The following DLGAP2 variants were observed in gnomAD, a reference collection of about 807,000 sequenced individuals.
DLGAP2 encodes the protein disks large-associated protein 2.
Under a neutral mutation model 100.3 loss-of-function variants are expected in DLGAP2, and 26 were observed. The ratio of observed to expected loss-of-function variants is 0.26; its 90% confidence interval spans 0.19 to 0.36. The LOEUF (loss-of-function observed/expected upper bound fraction) is 0.36, where lower values mean the gene tolerates loss of function less well. DLGAP2 is among the 10% of genes least tolerant of loss of function. The probability of loss-of-function intolerance (pLI) is 1.00; values close to 1 mark genes in which losing one functional copy is unlikely to be tolerated. For synonymous variants in DLGAP2, 886 were observed against 630.1 expected (o/e 1.41, Z -6.08); for missense variants, 1,858 against 1,453.2 (o/e 1.28, Z -4.53).
chr8:964,464 C>G (rs1420649078), intron 2 of DLGAP2, among the ~76,000 whole-genome samples: 2 of 152,236 alleles, frequency 1.3e-5, no homozygotes, highest in Non-Finnish European at 2.9e-5. Context: ...TATTCAAAGC[C>G]TATCGTAAGT....
chr8:1,701,214 A>C lies in DLGAP2; in HGVS notation c.2976A>C (p.Ile992=), dbSNP rs754692815. 6.4e-7 allele frequency: 1 copy of C among 1,571,248 alleles called. No individual in the cohort carries two copies. Among genetic ancestry groups the C allele is most frequent in the Non-Finnish European group, 8.6e-7 (1 of 1,158,894 alleles). Reference sequence around the variant, plus strand: ...AAGAAAGAAAGGTCCCGCCTCCAATACCAAAGAAGCCTCCCAAGGGGAAGT... The same window carrying C: ...AAGAAAGAAAGGTCCCGCCTCCAATCCCAAAGAAGCCTCCCAAGGGGAAGT... ...RKEERKVPPP[I]PKKPPKGKFP... Residue 992 remains isoleucine (I), a synonymous_variant, in exon 15 of 15, where the codon ATA becomes ATC. Coordinates refer to ENST00000637795, the MANE Select transcript of DLGAP2 (RefSeq NM_001346810.2).
Position 904,929 on chromosome 8 carries a change from A to G in DLGAP2, c.19-2983A>G, listed in dbSNP as rs189256135. On this transcript the variant is annotated intron_variant, in intron 1 of 14. Coordinates refer to ENST00000637795, the MANE Select transcript of DLGAP2 (RefSeq NM_001346810.2). ...TCAGAGAGGAAGAAATAAACCTATTATGGTCCTGCCTTCCTGCTCCAGCCA... is the reference window on the plus strand; with the variant it reads ...TCAGAGAGGAAGAAATAAACCTATTGTGGTCCTGCCTTCCTGCTCCAGCCA... Among the ~76,000 whole-genome samples, 82 of 152,296 alleles carry G rather than the reference A, an allele frequency of 5.4e-4. 1 individual carries two copies. The highest frequency in any genetic ancestry group is 3.9e-3 in the Admixed American group (59 of 15,292).
intron 2 of DLGAP2, among the ~76,000 whole-genome samples, chr8:1,081,470 G>T (rs1454021704): frequency 1.3e-5 from 2 of 152,146 alleles, no homozygotes; most frequent in Non-Finnish European, 2.9e-5. Context: ...TCCTGCCTCA[G>T]CCTCCCTAGT....
intron 5 of DLGAP2, among the ~76,000 whole-genome samples, chr8:1,563,457 T>C (rs1264004172): frequency 1.1e-5 from 1 of 91,896 alleles, no homozygotes; most frequent in Non-Finnish European, 2.2e-5. Context: ...GGGGACTGTG[T>C]GGTGTTGGGG....
chr8:767,143 G>A (rs938469223), intron 1 of DLGAP2, among the ~76,000 whole-genome samples: 2 of 152,134 alleles, frequency 1.3e-5, no homozygotes, highest in African/African-American at 2.4e-5. Context: ...GTTATGAGCC[G>A]TGTGTTTCTG....
At chr8:1,207,687 G>A (rs1236476089) in intron 2 of DLGAP2, among the ~76,000 whole-genome samples, 1 of 152,216 alleles carries the variant, frequency 6.6e-6, no homozygotes, top group African/African-American at 2.4e-5. Context: ...CCCACCAGCA[G>A]TGTAGAAGTG....
chr8:738,994 A>ACGCCGCCGCCGC (rs142461927), intron 1 of DLGAP2: 7 of 155,702 alleles, frequency 4.5e-5, no homozygotes, highest in South Asian at 3.5e-4. Context: ...CCCCTGCGCG[A>ACGCCGCCGCCGC]CGCCGCCGCC....
At chr8:1,026,943 T>C (rs1157931727) in intron 2 of DLGAP2, among the ~76,000 whole-genome samples, 1 of 152,252 alleles carries the variant, frequency 6.6e-6, no homozygotes, top group African/African-American at 2.4e-5. Flanking sequence ...AAGATATGCC[T>C]GTTCTATAAA....
chr8:1,410,075 C>T (rs541313487), intron 3 of DLGAP2, among the ~76,000 whole-genome samples: 1 of 152,290 alleles, frequency 6.6e-6, no homozygotes, highest in East Asian at 1.9e-4. Context: ...GTGTCAGGTC[C>T]ACAAGCCAAG....
At chr8:1,491,072 G>GAAACCAAAAAAAAAAAAAAAAAAAAAA (rs1799366345) in intron 3 of DLGAP2, among the ~76,000 whole-genome samples, 1 of 19,880 alleles carries the variant, frequency 5.0e-5, no homozygotes, top group Non-Finnish European at 1.3e-4. Context: ...AAATAAACTG[G>GAAACCAAAAAAAAAAAAAAAAAAAAAA]AAACCAAAAA....
intron 8 of DLGAP2, among the ~76,000 whole-genome samples, chr8:1,660,901 T>C (rs1314658800): frequency 6.6e-6 from 1 of 152,162 alleles, no homozygotes; most frequent in African/African-American, 2.4e-5. Flanking sequence ...CCTTGAATGG[T>C]GTCACCGAAG....
intron 5 of DLGAP2, among the ~76,000 whole-genome samples, chr8:1,556,320 G>A (rs1463326847): frequency 6.6e-6 from 1 of 152,040 alleles, no homozygotes. Context: ...GCAGGTGGGC[G>A]GAGTCCTGCT....
At chr8:1,188,135 C>T (rs1343985552) in intron 2 of DLGAP2, among the ~76,000 whole-genome samples, 23 of 130,040 alleles carry the variant, frequency 1.8e-4, no homozygotes, top group African/African-American at 2.3e-4. Context: ...CACGGAATCT[C>T]GCACGCCCGG....
chr8:1,199,917 C>A (rs1389048325), intron 2 of DLGAP2, among the ~76,000 whole-genome samples: 2 of 150,842 alleles, frequency 1.3e-5, no homozygotes, highest in Non-Finnish European at 2.9e-5. Flanking sequence ...CTGGTGATGA[C>A]AGCCACGAGG....
intron 3 of DLGAP2, among the ~76,000 whole-genome samples, chr8:1,370,117 T>C (rs1044906677): frequency 6.6e-6 from 1 of 152,174 alleles, no homozygotes; most frequent in Non-Finnish European, 1.5e-5. Context: ...GGTCTTCGGA[T>C]ATTTATGACA....
intron 5 of DLGAP2, among the ~76,000 whole-genome samples, chr8:1,559,853 C>G (rs1040659686): frequency 6.6e-6 from 1 of 152,192 alleles, no homozygotes. Flanking sequence ...TGCCCCATCG[C>G]CTCTGCCTGC....
intron 3 of DLGAP2, among the ~76,000 whole-genome samples, chr8:1,454,222 G>A (rs1798242252): frequency 6.6e-6 from 1 of 152,208 alleles, no homozygotes; most frequent in Non-Finnish European, 1.5e-5. Flanking sequence ...CGCCCGGCAG[G>A]ATGTCCCCGT....
At chr8:985,233 C>T (rs1020472025) in intron 2 of DLGAP2, among the ~76,000 whole-genome samples, 2 of 152,206 alleles carry the variant, frequency 1.3e-5, no homozygotes, top group African/African-American at 4.8e-5. Context: ...GGTCCGAAGG[C>T]CTGGCTCAGC....
chr8:1,084,513 C>G (rs1347034462), intron 2 of DLGAP2, among the ~76,000 whole-genome samples: 1 of 152,226 alleles, frequency 6.6e-6, no homozygotes, highest in African/African-American at 2.4e-5. Context: ...TTTGTACCCT[C>G]TGGGCACCAT....
Sources: gnomAD v4.1 joint callset for allele counts (sites outside exome capture counted in the v4.1 genomes callset) on GRCh38, gnomAD v4.1.1 for gene constraint, MANE v1.5 for transcripts, NCBI Gene and HGNC (gene_info 2026-07-23, HGNC 2026-07-21) for gene names.